The following ATP2C1 variants were observed in gnomAD, a reference collection of about 807,000 sequenced individuals.
ATP2C1 encodes the protein ATPase secretory pathway Ca2+ transporting 1.
In ATP2C1, 31 loss-of-function variants were observed where a neutral mutation model predicts 120.5. That is an observed-to-expected ratio of 0.26 (90% CI 0.19 to 0.35). ATP2C1 has a LOEUF of 0.35. Among genes scored for constraint, ATP2C1 ranks in the 10% least tolerant of loss-of-function variants. The probability of loss-of-function intolerance (pLI) is 1.00; values close to 1 mark genes in which losing one functional copy is unlikely to be tolerated. For synonymous variants in ATP2C1, 351 were observed against 358.7 expected (o/e 0.98, Z 0.24); for missense variants, 731 against 1,107.5 (o/e 0.66, Z 4.83).
At chr3:130,880,380 C>T (rs913421124) in intron 1 of ATP2C1, among the ~76,000 whole-genome samples, 1 of 152,074 alleles carries the variant, frequency 6.6e-6, no homozygotes, top group Non-Finnish European at 1.5e-5. Context: ...GAAGTTTTAC[C>T]CCTCCAAATC....
chr3:130,894,149 T>TGGC lies in ATP2C1; in HGVS notation c.-369_-368insGGC. 77 of 694,642 alleles carry TGGC rather than the reference T, an allele frequency of 1.1e-4. No homozygotes were observed. Among genetic ancestry groups the TGGC allele is most frequent in the Non-Finnish European group, 1.3e-4 (74 of 565,008 alleles). 43.0% of individuals were successfully genotyped at this position (694,642 alleles called of 1,614,324 possible). ...ACGGGTCCCCTCACCTCCTCTTCTCTCCCCTCCCCGCCCGCCCTCTCTCCC... is the reference window on the plus strand; with the variant it reads ...ACGGGTCCCCTCACCTCCTCTTCTCTGGCCCCCTCCCCGCCCGCCCTCTCTCCC... On this transcript the variant is annotated 5_prime_UTR_variant, in exon 1 of 28. Coordinates refer to ENST00000510168, the MANE Select transcript of ATP2C1 (RefSeq NM_001378687.1). The surrounding 1 kb of genome is among the most constrained non-coding windows in gnomAD (Gnocchi z 4.5).
At chr3:130,926,162 T>C in intron 2 of ATP2C1, among the ~76,000 whole-genome samples, 1 of 152,192 alleles carries the variant, frequency 6.6e-6, no homozygotes. Flanking sequence ...CTTTCCTGGT[T>C]TGTTCCTGTG....
Position 131,002,297 on chromosome 3 carries a change from T to A in ATP2C1, c.*947T>A. On this transcript the variant is annotated 3_prime_UTR_variant, in exon 28 of 28. Coordinates refer to ENST00000510168, the MANE Select transcript of ATP2C1 (RefSeq NM_001378687.1). ...TTATTTTTACTGTTATGTATGTTTT[T>A]AATCATATTTCTTAGGAAGTATAGG... is the stretch of plus-strand genomic sequence containing the variant. 4.1e-6 allele frequency: 4 copies of A among 981,064 alleles called. No homozygotes were observed. Among genetic ancestry groups the A allele is most frequent in the Non-Finnish European group, 4.8e-6 (4 of 825,914 alleles). The allele number at this position is 981,064 out of a possible 1,614,324, so 60.8% of individuals were successfully genotyped here.
intron 1 of ATP2C1, among the ~76,000 whole-genome samples, chr3:130,863,590 A>C (rs997026418): frequency 1.3e-5 from 2 of 152,228 alleles, no homozygotes; most frequent in African/African-American, 4.8e-5. Context: ...ATTATAGTAT[A>C]GTGATATGGT....
At chr3:130,882,840 T>A (rs749923488) in intron 1 of ATP2C1, among the ~76,000 whole-genome samples, 1 of 152,224 alleles carries the variant, frequency 6.6e-6, no homozygotes, top group Admixed American at 6.5e-5. Flanking sequence ...TTGTTCTTTG[T>A]ATCAGGGTAA....
chr3:131,014,508 A>G (rs2063495578), intron 26 of ATP2C1: 1 of 908,144 alleles, frequency 1.1e-6, no homozygotes. Flanking sequence ...GCTCTATAAT[A>G]TTATCGAAAT....
In ATP2C1 at chr3:131,014,281, A is replaced by G. The variant is rs111692831; in HGVS notation, c.2630-1871A>G. ...TATGACCTTGTGGCATTGAATAGAT[A>G]TTCATAAAGTTGCTTAGCCTCAGGA... On this transcript the variant is annotated intron_variant, in intron 26 of 26. Coordinates refer to the ATP2C1 transcript ENST00000328560. 3.5e-5 allele frequency: 57 copies of G among 1,613,998 alleles called. No individual in the cohort carries two copies. In the African/African-American group the frequency reaches 6.0e-4, roughly 17 times the overall value.
At chr3:130,959,476 A>G (rs1191026740) in intron 12 of ATP2C1, 135 bp downstream of exon 12, 2 of 580,298 alleles carry the variant, frequency 3.4e-6, no homozygotes, top group Non-Finnish European at 6.2e-6. Context: ...TAAATAGTTC[A>G]GAAGTCATAT....
At chr3:130,999,837 G>T (rs1406128242) in intron 27 of ATP2C1, among the ~76,000 whole-genome samples, 178 bp downstream of exon 27, 1 of 152,064 alleles carries the variant, frequency 6.6e-6, no homozygotes, top group Non-Finnish European at 1.5e-5. Context: ...TAACTCCAGG[G>T]TTTTGGTTTT....
chr3:130,885,597 AAC>A (rs1376874111), intron 1 of ATP2C1, among the ~76,000 whole-genome samples: 1 of 123,226 alleles, frequency 8.1e-6, no homozygotes, highest in Admixed American at 8.2e-5. Flanking sequence ...CATAAACAAA[AAC>A]ACATTAAAAA....
intron 26 of ATP2C1, among the ~76,000 whole-genome samples, chr3:131,014,622 C>T (rs552508140): frequency 7.0e-4 from 107 of 152,340 alleles, no homozygotes; most frequent in African/African-American, 2.3e-3. Flanking sequence ...TTACGTGATG[C>T]ATGCTTAGTG....
chr3:130,923,419 G>A (rs1022565278), intron 2 of ATP2C1, among the ~76,000 whole-genome samples: 1 of 151,936 alleles, frequency 6.6e-6, no homozygotes, highest in African/African-American at 2.4e-5. Context: ...GTAGAAACGA[G>A]TTTTCACCAT....
chr3:130,858,794 G>C (rs971419505), intron 1 of ATP2C1, among the ~76,000 whole-genome samples: 1 of 152,190 alleles, frequency 6.6e-6, no homozygotes. Flanking sequence ...AAGAATCTTA[G>C]GGCTGTAGTA....
At chr3:130,961,229 T>C (rs999586872) in intron 12 of ATP2C1, among the ~76,000 whole-genome samples, 1 of 130,078 alleles carries the variant, frequency 7.7e-6, no homozygotes, top group African/African-American at 2.8e-5. Flanking sequence ...ATTGGATCAT[T>C]TTTAGTTTTT....
At chr3:130,934,142 T>A (rs1161991257) in intron 4 of ATP2C1, among the ~76,000 whole-genome samples, 1 of 152,162 alleles carries the variant, frequency 6.6e-6, no homozygotes, top group Admixed American at 6.5e-5. Flanking sequence ...AAATCTTCAG[T>A]TTCTTTTGTG....
Position 130,894,346 on chromosome 3 carries a change from C to A in ATP2C1, c.-181+9C>A. On this transcript the variant is annotated intron_variant, in intron 1 of 27. Transcript: ENST00000510168. This position sits in a 1 kb window ranked among gnomAD's most constrained non-coding sequence, Gnocchi z 4.5. ...GCTGTCCGGGGCTTTGGGTGGGTAC[C>A]AGTATTACCTCCTGCCCCCATTTCT... The A allele has an allele frequency of 1.3e-5, 13 of 1,019,186 alleles. No individual in the cohort carries two copies. The highest frequency in any genetic ancestry group is 1.5e-5 in the Non-Finnish European group (13 of 848,970). 63.1% of individuals were successfully genotyped at this position (1,019,186 alleles called of 1,614,324 possible). A position where few individuals can be genotyped will look rare whatever the true frequency, so the allele number is the denominator to read the frequency against.
chr3:130,876,665 GTATTTTAATTGGAAATGCATTGAA>G (rs1386987267), intron 1 of ATP2C1, among the ~76,000 whole-genome samples: 20 of 152,054 alleles, frequency 1.3e-4, no homozygotes, highest in Admixed American at 1.0e-3. Flanking sequence ...AATGTCGTTG[GTATTTTAATTGGAAATGCATTGAA>G]TCTGTAGCTT....
chr3:130,872,687 C>T lies in ATP2C1; in HGVS notation c.108+21759C>T, dbSNP rs540988178. On this transcript the variant is annotated intron_variant, in intron 1 of 26. Coordinates refer to the ATP2C1 transcript ENST00000504381. ...GCAACCTCCGCCTCCTGGGTTCAAGCGATTCTCCTGCCTTAGCCTCCCGAG... is the reference window on the plus strand; with the variant it reads ...GCAACCTCCGCCTCCTGGGTTCAAGTGATTCTCCTGCCTTAGCCTCCCGAG... Among the ~76,000 whole-genome samples, 8 of 152,018 alleles carry T rather than the reference C, an allele frequency of 5.3e-5. No homozygotes were observed. In the South Asian group the frequency reaches 1.0e-3, roughly 20 times the overall value.
upstream of ATP2C1, among the ~76,000 whole-genome samples, chr3:130,890,280 G>C (rs1368186575): frequency 6.6e-6 from 1 of 152,092 alleles, no homozygotes; most frequent in African/African-American, 2.4e-5. Context: ...GAAGTTCATT[G>C]GTCATGGTAC....
Sources: allele counts gnomAD v4.1 joint callset (sites outside exome capture counted in the v4.1 genomes callset), GRCh38; gene constraint gnomAD v4.1.1; non-coding constraint Gnocchi (gnomAD v3.1); transcripts MANE v1.5; gene names NCBI Gene and HGNC (gene_info 2026-07-23, HGNC 2026-07-21).